Variants in LONRF3 observed in about 807,000 individuals in gnomAD.
The protein encoded by LONRF3 is LON peptidase N-terminal domain and ring finger 3.
LONRF3 carries 19 observed loss-of-function variants against 51.7 expected under a neutral mutation model. The ratio of observed to expected loss-of-function variants is 0.37; its 90% CI spans 0.26 to 0.54. The LOEUF (loss-of-function observed/expected upper bound fraction) is 0.54. Among genes scored for constraint, LONRF3 ranks in the 20% least tolerant of loss-of-function variants. The pLI is 0.86. For missense variants in LONRF3, 521 were observed against 623.9 expected, an observed-to-expected ratio of 0.84 and a Z score of 1.76; for synonymous variants, 265 against 257.8, an observed-to-expected ratio of 1.03 and a Z score of -0.27.
chrX:119,003,327 A>G (rs1006300086), intron 5 of LONRF3, among the ~76,000 whole-genome samples: 1 of 111,562 alleles, frequency 9.0e-6, no homozygotes, highest in African/African-American at 3.3e-5. Flanking sequence ...GTGCCTGGCT[A>G]TTTCATCTTA....
rs763152626 is a variant in LONRF3, at chrX:119,013,125, G to A, written c.1898G>A (p.Arg633Lys). ...TCAGTGGTTGACAGCATAGGCAAGA[G>A]GCGCTTCAGGGTGCTCCATCAGAGC... Reference protein sequence around the residue: ...GRSVVDSIGKRRFRVLHQSQR... With the variant: ...GRSVVDSIGKKRFRVLHQSQR... Residue 633 changes from arginine (R) to lysine (K), a missense_variant, in exon 9 of 11, where the codon AGG (arginine) becomes AAG (lysine). Arg to Lys is a conservative substitution (Grantham distance 26, BLOSUM62 2). Coordinates refer to ENST00000371628, the MANE Select transcript of LONRF3 (RefSeq NM_001031855.3). The A allele has an allele frequency of 4.9e-6, 6 of 1,212,223 alleles. No individual in the cohort carries two copies. Among genetic ancestry groups the A allele is most frequent in the Non-Finnish European group, 6.7e-6 (6 of 895,615 alleles).
chrX:119,003,148 A>AT (rs1007901414), intron 5 of LONRF3, among the ~76,000 whole-genome samples: 4 of 110,466 alleles, frequency 3.6e-5, no homozygotes, highest in Admixed American at 1.9e-4. Context: ...GTCAGAATTC[A>AT]TTTTTTTTAC....
intron 6 of LONRF3, among the ~76,000 whole-genome samples, chrX:119,007,251 C>T (rs1208013809): frequency 8.9e-6 from 1 of 111,963 alleles, no homozygotes; most frequent in Non-Finnish European, 1.9e-5. Context: ...ACTAGGTAAG[C>T]CCTGATGTTC....
In LONRF3 at chrX:118,974,702, C is replaced by T; in HGVS notation, c.-79C>T. On this transcript the variant is annotated 5_prime_UTR_variant, in exon 1 of 11. Transcript: ENST00000371628. ...CGGTGGCATGGCGGCGGTGGCTGCCCCGATTTCCTCCAGCTGCCACTCCTT... is the reference window on the plus strand; with the variant it reads ...CGGTGGCATGGCGGCGGTGGCTGCCTCGATTTCCTCCAGCTGCCACTCCTT... 3 of 925,464 alleles carry T rather than the reference C, an allele frequency of 3.2e-6. No homozygotes were observed. Among genetic ancestry groups the T allele is most frequent in the Non-Finnish European group, 4.4e-6 (3 of 682,214 alleles). The allele number at this position is 925,464 out of a possible 1,213,427, so 76.3% of individuals were successfully genotyped here. A position where few individuals can be genotyped will look rare whatever the true frequency, so the allele number is the denominator to read the frequency against.
At chrX:118,988,144 AAGGACTGAAATGC>A (rs1923145850) in intron 3 of LONRF3, among the ~76,000 whole-genome samples, 1 of 111,401 alleles carries the variant, frequency 9.0e-6, no homozygotes, top group African/African-American at 3.3e-5. Flanking sequence ...GCTCTCATAA[AAGGACTGAAATGC>A]AGGTGCGCCC....
At chrX:118,992,777 C>T (rs774441719) in intron 5 of LONRF3, among the ~76,000 whole-genome samples, 26 of 111,140 alleles carry the variant, frequency 2.3e-4, no homozygotes, top group African/African-American at 8.2e-4. Context: ...TTGCACCCAC[C>T]ACCACCTCCA....
chrX:118,986,834 C>A, intron 3 of LONRF3: 2 of 839,099 alleles, frequency 2.4e-6, no homozygotes, highest in Non-Finnish European at 3.3e-6. Context: ...TTCTGCCCTG[C>A]AAGCTGGCTC....
At chrX:119,010,312 C>T (rs988024131) in intron 7 of LONRF3, among the ~76,000 whole-genome samples, 4 of 110,995 alleles carry the variant, frequency 3.6e-5, no homozygotes, top group Non-Finnish European at 5.7e-5. Flanking sequence ...TCTGCCCTCT[C>T]CTCCCTCCAT....
intron 6 of LONRF3, among the ~76,000 whole-genome samples, 160 bp downstream of exon 6, chrX:119,006,395 CTTCTTTTTTTTT>C: frequency 1.0e-5 from 1 of 98,932 alleles, no homozygotes; most frequent in East Asian, 3.0e-4. Flanking sequence ...TTTCTCCTGT[CTTCTTTTTTTTT>C]TTTTTTTTTT....
At chrX:119,004,455 G>A (rs1161990375) in intron 5 of LONRF3, among the ~76,000 whole-genome samples, 1 of 112,514 alleles carries the variant, frequency 8.9e-6, no homozygotes, top group African/African-American at 3.2e-5. Context: ...GATATTTGAA[G>A]ACCAATACAG....
In LONRF3 at chrX:118,975,078, G is replaced by A. The variant is rs1278334236; in HGVS notation, c.298G>A (p.Val100Met). 2 of 1,173,483 alleles carry A rather than the reference G, an allele frequency of 1.7e-6. No individual in the cohort carries two copies. The highest frequency in any genetic ancestry group is 3.5e-5 in the African/African-American group (2 of 56,531). ...YRQLSERQQL[V>M]AEQLEQLVRC... ...ACAGCTCTCCGAGCGGCAGCAGCTG[G>A]TGGCTGAGCAGCTGGAGCAGCTGGT... The change falls in exon 1 of 11, where the codon GTG becomes ATG. Residue 100 changes from valine (V) to methionine (M), a missense_variant. Val to Met is a conservative substitution (Grantham distance 21). Transcript: ENST00000371628.
chrX:118,984,507 GT>G (rs965873503), intron 3 of LONRF3, among the ~76,000 whole-genome samples: 7 of 112,133 alleles, frequency 6.2e-5, no homozygotes, highest in Non-Finnish European at 1.3e-4. Context: ...AGCCTGAGAT[GT>G]TTTTGGTGTC....
At position 118,974,756 on chromosome X, in the gene LONRF3, C is replaced by A. The variant is rs375809050; in HGVS notation, c.-25C>A. 1.9e-5 allele frequency: 22 copies of A among 1,141,190 alleles called. No homozygotes were observed. In the African/African-American group the frequency reaches 3.8e-4, roughly 20 times the overall value. 94.0% of individuals were successfully genotyped at this position (1,141,190 alleles called of 1,213,427 possible). ...TCGTGTCCCCGGTCCCTAGACGCCT[C>A]GTCTCCTCCCGTGTCCCTCTTCCCA... On this transcript the variant is annotated 5_prime_UTR_variant, in exon 1 of 11. Transcript: ENST00000371628.
rs1469012495 is a variant in LONRF3, at chrX:118,978,332, CT to C, written c.818-11del. ...GGGCCATTAATAAAGGTTTTTCTTT[CT>C]TATTTTGACAGCTCCAAATGACCAC... On this transcript the variant is annotated splice_polypyrimidine_tract_variant and intron_variant, in intron 1 of 10. Transcript: ENST00000371628. The C allele has an allele frequency of 1.7e-6, 2 of 1,143,539 alleles. No homozygotes were observed. The highest frequency in any genetic ancestry group is 3.6e-5 in the African/African-American group (2 of 55,784). The allele number at this position is 1,143,539 out of a possible 1,213,427, so 94.2% of individuals were successfully genotyped here. A position where few individuals can be genotyped will look rare whatever the true frequency, so the allele number is the denominator to read the frequency against.
chrX:119,002,825 G>A (rs1309215533), intron 5 of LONRF3, among the ~76,000 whole-genome samples: 2 of 109,664 alleles, frequency 1.8e-5, no homozygotes, highest in Non-Finnish European at 1.9e-5. Context: ...TTGAGATGGA[G>A]TCTCACTCTG....
At chrX:118,982,423 C>T (rs1015335657) in intron 2 of LONRF3, among the ~76,000 whole-genome samples, 2 of 111,555 alleles carry the variant, frequency 1.8e-5, no homozygotes, top group Non-Finnish European at 3.8e-5. Flanking sequence ...CTAGTTCAAA[C>T]GAACGCATAC....
intron 8 of LONRF3, 130 bp from the exon 9 acceptor site, chrX:119,012,909 A>G: frequency 1.7e-6 from 2 of 1,202,197 alleles, no homozygotes; most frequent in Non-Finnish European, 2.2e-6. Context: ...TGAAGCTGTA[A>G]CCCAGGGACA....
chrX:118,978,452 A>T lies in LONRF3; in HGVS notation c.925A>T (p.Met309Leu). The change falls in exon 2 of 11, where the codon ATG becomes TTG. Residue 309 changes from methionine to leucine, a missense_variant. By Grantham distance (15) the Met-to-Leu change is conservative (BLOSUM62 2). Coordinates refer to ENST00000371628, the MANE Select transcript of LONRF3 (RefSeq NM_001031855.3). ...AGAAATAGCATGTAAGCTCCGCCCG[A>T]TGGGTTTTAAGGTGAGTGTGGGATG... ...DAEIACKLRP[M>L]GFKAHFRKAQ... The T allele has an allele frequency of 1.7e-6, 2 of 1,187,483 alleles. No homozygotes were observed. Among genetic ancestry groups the T allele is most frequent in the African/African-American group, 3.5e-5 (2 of 57,153 alleles).
chrX:118,978,324 TTTTC>T lies in LONRF3; in HGVS notation c.818-14_818-11del. Reference sequence around the variant, plus strand: ...TGCGCTGGGGGCCATTAATAAAGGTTTTTCTTTCTTATTTTGACAGCTCCAAATG... The same window carrying T: ...TGCGCTGGGGGCCATTAATAAAGGTTTTTCTTATTTTGACAGCTCCAAATG... On this transcript the variant is annotated splice_polypyrimidine_tract_variant and intron_variant, in intron 1 of 10. Coordinates refer to ENST00000371628, the MANE Select transcript of LONRF3 (RefSeq NM_001031855.3). The T allele has an allele frequency of 9.1e-7, 1 of 1,103,040 alleles. No individual in the cohort carries two copies. Among genetic ancestry groups the T allele is most frequent in the Non-Finnish European group, 1.3e-6 (1 of 797,419 alleles). 90.9% of individuals were successfully genotyped at this position (1,103,040 alleles called of 1,213,427 possible).
Sources: gnomAD v4.1 joint callset for allele counts (sites outside exome capture counted in the v4.1 genomes callset) on GRCh38, gnomAD v4.1.1 for gene constraint, MANE v1.5 for transcripts, NCBI Gene and HGNC (gene_info 2026-07-23, HGNC 2026-07-21) for gene names.